Variants in SOX5 observed in about 807,000 individuals in gnomAD.
SOX5 encodes the protein transcription factor SOX-5.
SOX5 carries 9 observed loss-of-function variants against 92.0 expected under a neutral mutation model. The observed-to-expected ratio is 0.10, with a 90% confidence interval of 0.06 to 0.17. SOX5 has a LOEUF of 0.17. Ranked by LOEUF, SOX5 falls within the 10% of genes least tolerant of loss-of-function variation. The pLI is 1.00. For missense variants in SOX5, 642 were observed against 944.5 expected, an observed-to-expected ratio of 0.68 and a Z score of 4.20; for synonymous variants, 344 against 336.3, an observed-to-expected ratio of 1.02 and a Z score of -0.25.
intron 3 of SOX5, among the ~76,000 whole-genome samples, chr12:23,845,533 G>GTA (rs2096565310): frequency 6.6e-6 from 1 of 152,106 alleles, no homozygotes; most frequent in Non-Finnish European, 1.5e-5. Flanking sequence ...TAATTTGTAA[G>GTA]TATATAATAG....
At chr12:24,179,434 A>C (rs1041600770) in intron 4 of SOX5, among the ~76,000 whole-genome samples, 5 of 152,206 alleles carry the variant, frequency 3.3e-5, no homozygotes, top group African/African-American at 1.2e-4. Flanking sequence ...ATGTAGTAGG[A>C]TACTCCCTTG....
intron 6 of SOX5, among the ~76,000 whole-genome samples, chr12:23,695,087 T>C (rs1263059056): frequency 3.5e-5 from 5 of 144,784 alleles, no homozygotes; most frequent in Non-Finnish European, 7.5e-5. Context: ...GTCACTCTAC[T>C]CCAGCTTGGG....
intron 9 of SOX5, among the ~76,000 whole-genome samples, chr12:23,599,568 C>A (rs1953094824): frequency 6.6e-6 from 1 of 152,142 alleles, no homozygotes; most frequent in African/African-American, 2.4e-5. Context: ...CTGCTGCAGG[C>A]AATATGTAAG....
intron 8 of SOX5, among the ~76,000 whole-genome samples, chr12:23,625,186 T>C (rs1385015154): frequency 1.3e-5 from 2 of 152,134 alleles, no homozygotes; most frequent in Non-Finnish European, 2.9e-5. Context: ...AGAAACCAAT[T>C]GTGTAGTACT....
chr12:23,944,367 A>G (rs1455410440), intron 1 of SOX5: 2 of 152,096 alleles, frequency 1.3e-5, no homozygotes, highest in African/African-American at 2.4e-5. Context: ...GAGAAATGCA[A>G]CACCCCCCTA....
At chr12:24,412,957 G>A (rs1352296447) in intron 1 of SOX5, among the ~76,000 whole-genome samples, 10 of 151,884 alleles carry the variant, frequency 6.6e-5, no homozygotes, top group African/African-American at 1.2e-4. Flanking sequence ...GGGTTTCACC[G>A]TGTTAGCCAG....
In SOX5 at chr12:24,163,733, AAAT is replaced by A. The variant is rs772665448; in HGVS notation, c.-2+49607_-2+49609del. Among the ~76,000 whole-genome samples the A allele has an allele frequency of 1.3e-4, 20 of 152,096 alleles. No homozygotes were observed. In the East Asian group the frequency reaches 2.1e-3, roughly 16 times the overall value. On this transcript the variant is annotated intron_variant, in intron 4 of 4. Coordinates refer to the SOX5 transcript ENST00000446891. ...TTAGCAGCAGCCAATCAAATGATAA[AAAT>A]AATAATTTTTTCTTTAGCCTCTTGT...
At chr12:23,860,952 T>TAAAAAAAAAAA (rs71059935) in intron 2 of SOX5, among the ~76,000 whole-genome samples, 8 of 45,930 alleles carry the variant, frequency 1.7e-4, no homozygotes, top group East Asian at 7.1e-4. Flanking sequence ...GTATATTTTG[T>TAAAAAAAAAAA]AAAAAAAAAA....
chr12:23,985,124 C>A (rs2136202578), intron 4 of SOX5, among the ~76,000 whole-genome samples: 1 of 152,166 alleles, frequency 6.6e-6, no homozygotes, highest in Admixed American at 6.5e-5. Context: ...GCCTCAAGTG[C>A]ATCATTTTTT....
At chr12:24,528,393 C>T (rs1367723601) in intron 1 of SOX5, among the ~76,000 whole-genome samples, 1 of 152,126 alleles carries the variant, frequency 6.6e-6, no homozygotes, top group Non-Finnish European at 1.5e-5. Context: ...ATGTTTGCTA[C>T]TCCTTAATAA....
intron 4 of SOX5, among the ~76,000 whole-genome samples, chr12:23,962,061 G>T (rs1208969639): frequency 2.0e-5 from 3 of 152,162 alleles, no homozygotes; most frequent in Non-Finnish European, 4.4e-5. Context: ...AGAGCATCTG[G>T]TAGAGGTTTC....
chr12:24,102,738 A>G (rs1312156539), intron 4 of SOX5, among the ~76,000 whole-genome samples: 2 of 152,236 alleles, frequency 1.3e-5, no homozygotes, highest in Non-Finnish European at 2.9e-5. Flanking sequence ...TTCCTATCTT[A>G]TCTACTAATT....
chr12:23,611,937 AC>A (rs1184038911), intron 8 of SOX5, among the ~76,000 whole-genome samples: 1 of 151,046 alleles, frequency 6.6e-6, no homozygotes, highest in Admixed American at 6.6e-5. Flanking sequence ...AAAAAAAAAA[AC>A]ACATTAAGAT....
intron 4 of SOX5, among the ~76,000 whole-genome samples, chr12:23,979,725 T>TTTTTTTTTTTTTTTTTTTTTTTTTG: frequency 8.2e-6 from 1 of 121,972 alleles, no homozygotes; most frequent in Non-Finnish European, 1.7e-5. Context: ...TTTTTTTTTT[T>TTTTTTTTTTTTTTTTTTTTTTTTTG]TTTTTTTTTG....
chr12:23,568,508 A>T (rs557757948), intron 10 of SOX5, among the ~76,000 whole-genome samples: 1 of 152,288 alleles, frequency 6.6e-6, no homozygotes, highest in South Asian at 2.1e-4. Context: ...AGATTGCCAG[A>T]TACATGTATC....
chr12:24,469,451 C>T (rs1353600085), intron 1 of SOX5, among the ~76,000 whole-genome samples: 1 of 152,172 alleles, frequency 6.6e-6, no homozygotes, highest in Non-Finnish European at 1.5e-5. Context: ...CCTTTTTCTA[C>T]AGCTCTTTAT....
chr12:23,927,865 T>A (rs544396072), intron 1 of SOX5, among the ~76,000 whole-genome samples: 4 of 152,038 alleles, frequency 2.6e-5, no homozygotes, highest in Admixed American at 6.6e-5. Flanking sequence ...CCGCAAAACA[T>A]AGAGATCCTC....
chr12:24,143,324 C>A (rs575693166), intron 4 of SOX5, among the ~76,000 whole-genome samples: 1 of 152,172 alleles, frequency 6.6e-6, no homozygotes, highest in Non-Finnish European at 1.5e-5. Context: ...ATATTACCAG[C>A]TTTGTGAATA....
At chr12:23,954,664 C>T (rs1043264304), upstream of SOX5, among the ~76,000 whole-genome samples, 14 of 151,986 alleles carry the variant, frequency 9.2e-5, no homozygotes, top group African/African-American at 2.9e-4. Context: ...ATTCAGTCCA[C>T]CATAATACAT....
Sources: gnomAD v4.1 joint callset for allele counts (sites outside exome capture counted in the v4.1 genomes callset) on GRCh38, gnomAD v4.1.1 for gene constraint, MANE v1.5 for transcripts, NCBI Gene and HGNC (gene_info 2026-07-23, HGNC 2026-07-21) for gene names.